The following OSGIN2 variants were observed in gnomAD, a reference collection of about 807,000 sequenced individuals.
OSGIN2 encodes the protein oxidative stress-induced growth inhibitor 2.
Under a neutral mutation model 53.8 loss-of-function variants are expected in OSGIN2, and 19 were observed. The ratio of observed to expected loss-of-function variants is 0.35; its 90% CI spans 0.25 to 0.52. OSGIN2 has a LOEUF of 0.52. OSGIN2 is among the 20% of genes least tolerant of loss of function. The probability of loss-of-function intolerance (pLI) is 0.95; values close to 1 mark genes in which losing one functional copy is unlikely to be tolerated. For synonymous variants in OSGIN2, 236 were observed against 236.0 expected (o/e 1.00, Z 0.00); for missense variants, 520 against 662.7 (o/e 0.78, Z 2.36).
At chr8:89,905,004 G>A (rs1175034040) in intron 1 of OSGIN2, among the ~76,000 whole-genome samples, 1 of 152,122 alleles carries the variant, frequency 6.6e-6, no homozygotes, top group Non-Finnish European at 1.5e-5. Flanking sequence ...CTTTCCATGT[G>A]GTAGTATAAA....
chr8:89,902,947 A>G lies in OSGIN2; in HGVS notation c.44+110A>G, dbSNP rs369101115. The G allele has an allele frequency of 2.6e-5, 15 of 578,004 alleles. No individual in the cohort carries two copies. In the East Asian group the frequency reaches 4.2e-4, roughly 16 times the overall value. The allele number at this position is 578,004 out of a possible 1,614,324, so 35.8% of individuals were successfully genotyped here. On this transcript the variant is annotated intron_variant, in intron 1 of 5. Transcript: ENST00000451899. ...GGTGGAGGGCGAGCGCCTGGACCGC[A>G]GCGTCCTCCCGCCTCGGCCGTCCTG...
chr8:89,903,451 G>A lies in OSGIN2; in HGVS notation c.44+614G>A, dbSNP rs141544992. On this transcript the variant is annotated intron_variant, in intron 1 of 5. Coordinates refer to ENST00000451899, the MANE Select transcript of OSGIN2 (RefSeq NM_001126111.3). The stretch of plus-strand genomic sequence containing the variant: ...CATTTGGTCAACACCTCAGTCATTG[G>A]TGGAAAGACCAGACACTAGAAACTG... 5.6e-3 allele frequency among the ~76,000 whole-genome samples: 858 copies of A among 152,322 alleles called. 5 individuals carry two copies. Among genetic ancestry groups the A allele is most frequent in the Non-Finnish European group, 8.9e-3 (603 of 68,024 alleles).
Position 89,925,191 on chromosome 8 carries a change from G to A in OSGIN2, c.1309G>A (p.Val437Ile), listed in dbSNP as rs1809294746. ...TTCCTTTAAGTCGGACATGAAATGT[G>A]TTCTCCAAAGCGTTTCTGGATTGAA... Reference protein sequence around the residue: ...VLSFKSDMKCVLQSVSGLKKI... With the variant: ...VLSFKSDMKCILQSVSGLKKI... The change falls in exon 6 of 6, where the codon GTT becomes ATT. Residue 437 changes from valine to isoleucine, a missense_variant. Physicochemically the swap from Val to Ile is conservative, Grantham distance 29. Transcript: ENST00000451899. 1 of 1,613,998 alleles carries A rather than the reference G, an allele frequency of 6.2e-7. No individual in the cohort carries two copies. Among genetic ancestry groups the A allele is most frequent in the Admixed American group, 1.7e-5 (1 of 59,996 alleles).
chr8:89,924,183 A>C (rs1192860943), intron 5 of OSGIN2, among the ~76,000 whole-genome samples: 1 of 152,172 alleles, frequency 6.6e-6, no homozygotes, highest in African/African-American at 2.4e-5. Context: ...CAATTTTCAA[A>C]TATCCACATT....
chr8:89,924,087 ATTAG>A (rs60697469), intron 5 of OSGIN2, among the ~76,000 whole-genome samples: 15,776 of 152,188 alleles, frequency 0.1, 2,212 homozygotes, highest in African/African-American at 0.32. Context: ...AAGCATAGAT[ATTAG>A]TTAGGCCTGT....
chr8:89,918,971 C>A (rs894906013), intron 4 of OSGIN2, among the ~76,000 whole-genome samples: 1 of 152,200 alleles, frequency 6.6e-6, no homozygotes, highest in Non-Finnish European at 1.5e-5. Context: ...CTTCTCCAAT[C>A]CATTATCCAT....
Position 89,925,445 on chromosome 8 carries a change from G to C in OSGIN2, c.1563G>C (p.Gly521=), listed in dbSNP as rs868808571. 9.9e-6 allele frequency: 16 copies of C among 1,614,124 alleles called. No homozygotes were observed. In the Middle Eastern group the frequency reaches 2.3e-3, roughly 233 times the overall value. The change falls in exon 6 of 6, where the codon GGG becomes GGC. Residue 521 remains glycine (G), a synonymous_variant. Transcript: ENST00000451899. ...ATTTTGTTCGATTTTTAAAGGGAGGGGCGCTGGGTGTTACACGCTGTTTAG... is the reference window on the plus strand; with the variant it reads ...ATTTTGTTCGATTTTTAAAGGGAGGCGCGCTGGGTGTTACACGCTGTTTAG... ...GDNFVRFLKG[G]ALGVTRCLAT...
intron 1 of OSGIN2, among the ~76,000 whole-genome samples, chr8:89,906,873 GAACT>G (rs1205677458): frequency 6.6e-6 from 1 of 152,124 alleles, no homozygotes; most frequent in Admixed American, 6.6e-5. Context: ...CACAATGGCT[GAACT>G]AATACACTCC....
intron 1 of OSGIN2, 144 bp downstream of exon 1, chr8:89,902,981 G>C (rs6984495): frequency 2.0e-4 from 81 of 402,460 alleles, no homozygotes; most frequent in African/African-American, 1.7e-3. Flanking sequence ...TGCCTGGCGT[G>C]GGGGTGGGGT....
intron 4 of OSGIN2, among the ~76,000 whole-genome samples, chr8:89,918,482 A>T (rs1809129388): frequency 6.6e-6 from 1 of 152,048 alleles, no homozygotes; most frequent in Admixed American, 6.6e-5. Context: ...TTCTTTAAAA[A>T]TTGCTTCTGT....
chr8:89,912,925 G>A (rs115848451), intron 2 of OSGIN2, among the ~76,000 whole-genome samples: 1 of 152,080 alleles, frequency 6.6e-6, no homozygotes, highest in Non-Finnish European at 1.5e-5. Context: ...AACTCTGGGT[G>A]GGGGGCCGCA....
At chr8:89,905,487 T>G (rs1223220630) in intron 1 of OSGIN2, among the ~76,000 whole-genome samples, 1 of 147,248 alleles carries the variant, frequency 6.8e-6, no homozygotes, top group Admixed American at 6.7e-5. Flanking sequence ...CTATAAAACA[T>G]GTACAGCAAT....
chr8:89,906,051 T>G (rs1421332621), intron 1 of OSGIN2, among the ~76,000 whole-genome samples: 1 of 152,230 alleles, frequency 6.6e-6, no homozygotes, highest in Non-Finnish European at 1.5e-5. Flanking sequence ...TGGAAAGGAA[T>G]TCTATATTCA....
chr8:89,921,130 A>G lies in OSGIN2; in HGVS notation c.579A>G (p.Leu193=). 3 of 1,607,076 alleles carry G rather than the reference A, an allele frequency of 1.9e-6. No homozygotes were observed. Among genetic ancestry groups the G allele is most frequent in the Non-Finnish European group, 2.6e-6 (3 of 1,175,682 alleles). ...LTISFGSWME[L]PGLKFKDWVS... Reference sequence around the variant, plus strand: ...TCAGCTTTGGAAGTTGGATGGAACTACCTGGACTTAAATTTAAGGACTGGG... The same window carrying G: ...TCAGCTTTGGAAGTTGGATGGAACTGCCTGGACTTAAATTTAAGGACTGGG... Residue 193 remains leucine (L), a synonymous_variant, in exon 5 of 6, where the codon CTA becomes CTG. Transcript: ENST00000451899.
Position 89,927,281 on chromosome 8 carries a change from T to A in OSGIN2, c.*1749T>A, listed in dbSNP as rs2130722877. 1 of 138,850 alleles carries A rather than the reference T, an allele frequency of 7.2e-6. No individual in the cohort carries two copies. Among genetic ancestry groups the A allele is most frequent in the South Asian group, 2.4e-4 (1 of 4,252 alleles). 8.6% of individuals were successfully genotyped at this position (138,850 alleles called of 1,614,324 possible). A position where few individuals can be genotyped will look rare whatever the true frequency, so the allele number is the denominator to read the frequency against. Reference sequence around the variant, plus strand: ...ATTCAAACAATGGCTTTTTTTGTGATGAGAGTATTTGTTAAAAAAAAAAAA... The same window carrying A: ...ATTCAAACAATGGCTTTTTTTGTGAAGAGAGTATTTGTTAAAAAAAAAAAA... On this transcript the variant is annotated 3_prime_UTR_variant, in exon 6 of 6. Coordinates refer to ENST00000451899, the MANE Select transcript of OSGIN2 (RefSeq NM_001126111.3).
chr8:89,911,034 C>T (rs1264936615), intron 2 of OSGIN2, among the ~76,000 whole-genome samples: 4 of 152,182 alleles, frequency 2.6e-5, no homozygotes, highest in African/African-American at 9.7e-5. Flanking sequence ...CAACATGGGT[C>T]TTCCTGGGCC....
At chr8:89,907,835 A>C (rs904357213) in intron 1 of OSGIN2, among the ~76,000 whole-genome samples, 2 of 152,204 alleles carry the variant, frequency 1.3e-5, no homozygotes, top group Non-Finnish European at 2.9e-5. Flanking sequence ...TTGTATCTAT[A>C]AATTGCTTTG....
rs761289392 is a variant in OSGIN2 at position 89,927,687 on chromosome 8, G to A, written c.*2155G>A. On this transcript the variant is annotated 3_prime_UTR_variant, in exon 6 of 6. Transcript: ENST00000451899. ...ACAAAGCAGAATTTGGGGATTTAAA[G>A]TGCAATGATACAACAAAAAGATTTA... is the stretch of plus-strand genomic sequence containing the variant. The A allele has an allele frequency of 2.6e-5, 4 of 152,184 alleles. No homozygotes were observed. The highest frequency in any genetic ancestry group is 5.9e-5 in the Non-Finnish European group (4 of 68,028). The allele number at this position is 152,184 out of a possible 1,614,324, so 9.4% of individuals were successfully genotyped here.
chr8:89,925,495 T>C lies in OSGIN2; in HGVS notation c.1613T>C (p.Leu538Ser), dbSNP rs772462695. 1.1e-5 allele frequency: 18 copies of C among 1,612,328 alleles called. No homozygotes were observed. Among genetic ancestry groups the C allele is most frequent in the Non-Finnish European group, 1.4e-5 (17 of 1,179,654 alleles). ...CLATRQKKKH[L>S]FVERGGGDGI... is the part of the protein sequence containing the mutation. ...GCTACAAGACAGAAGAAAAAGCATT[T>C]GTTTGTTGAAAGAGGAGGAGGAGAT... Residue 538 changes from leucine to serine, a missense_variant, in exon 6 of 6, where the codon TTG becomes TCG. Leu to Ser is a moderately radical substitution (Grantham distance 145). This residue lies in a region of OSGIN2 where 239 missense variants were observed against 328.3 expected (regional missense o/e 0.73). Coordinates refer to ENST00000451899, the MANE Select transcript of OSGIN2 (RefSeq NM_001126111.3).
Sources: gnomAD v4.1 joint callset for allele counts (sites outside exome capture counted in the v4.1 genomes callset) on GRCh38, gnomAD v4.1.1 for gene constraint, gnomAD v4.1.1 regional missense constraint, MANE v1.5 for transcripts, NCBI Gene and HGNC (gene_info 2026-07-23, HGNC 2026-07-21) for gene names.